The following AKR1E2 variants were observed in gnomAD, a reference collection of about 807,000 sequenced individuals.
AKR1E2 encodes 1,5-anhydro-D-fructose reductase.
AKR1E2 carries 43 observed loss-of-function variants against 41.9 expected under a neutral mutation model. The observed-to-expected ratio is 1.03, with a 90% CI of 0.80 to 1.32. AKR1E2 has a LOEUF of 1.32. Ranked by LOEUF, AKR1E2 falls within the 40% of genes most tolerant of loss-of-function variation. The probability of loss-of-function intolerance (pLI) is 0.00; values close to 1 mark genes in which losing one functional copy is unlikely to be tolerated. For missense variants in AKR1E2, 423 were observed against 396.5 expected (o/e 1.07, Z -0.57); for synonymous variants, 121 against 138.9 (o/e 0.87, Z 0.91).
chr10:4,830,302 C>A (rs992107303), intron 1 of AKR1E2, among the ~76,000 whole-genome samples: 3 of 152,126 alleles, frequency 2.0e-5, no homozygotes, highest in Non-Finnish European at 2.9e-5. Flanking sequence ...ACACCTCAGC[C>A]TTTATTATTG....
rs1307813210 is a variant in AKR1E2, at chr10:4,847,967, A to G, written c.*437A>G. The stretch of plus-strand genomic sequence containing the variant: ...TGCCAGTGACCCCCAGGTTATTCTA[A>G]AGCAGAGTCCTTCCCTTCCCCCAGT... On this transcript the variant is annotated 3_prime_UTR_variant, in exon 10 of 10. Transcript: ENST00000298375. The G allele has an allele frequency of 6.1e-6, 1 of 162,962 alleles. No individual in the cohort carries two copies. The highest frequency in any genetic ancestry group is 2.4e-5 in the African/African-American group (1 of 41,800). 10.1% of individuals were successfully genotyped at this position (162,962 alleles called of 1,614,324 possible).
At chr10:4,841,918 G>A (rs1482000854) in intron 7 of AKR1E2, 61 bp downstream of exon 7, 3 of 1,496,814 alleles carry the variant, frequency 2.0e-6, no homozygotes, top group Non-Finnish European at 2.7e-6. Flanking sequence ...CATCCTTGGG[G>A]AGTCCTGGGG....
intron 1 of AKR1E2, among the ~76,000 whole-genome samples, chr10:4,827,583 A>G (rs1047979411): frequency 3.9e-5 from 6 of 151,942 alleles, no homozygotes; most frequent in African/African-American, 1.4e-4. Flanking sequence ...ACTGACTAAA[A>G]AGCGTTTAAA....
At position 4,847,467 on chromosome 10, in the gene AKR1E2, ATTTG is replaced by A; in HGVS notation, c.921-17_921-14del. ...TAATCATTCTTTGTTCCTATTTTTG[ATTTG>A]TTTTTCTGTTTTTCAGAACTAAAAA... On this transcript the variant is annotated splice_polypyrimidine_tract_variant and intron_variant, in intron 9 of 9. Coordinates refer to ENST00000298375, the MANE Select transcript of AKR1E2 (RefSeq NM_001040177.3). 6.2e-7 allele frequency: 1 copy of A among 1,609,304 alleles called. No homozygotes were observed.
chr10:4,831,108 A>G (rs755498375), intron 2 of AKR1E2, among the ~76,000 whole-genome samples: 1 of 152,236 alleles, frequency 6.6e-6, no homozygotes, highest in Non-Finnish European at 1.5e-5. Context: ...CACTTTGACT[A>G]CAGTGGTGAA....
intron 5 of AKR1E2, 42 bp downstream of exon 5, chr10:4,837,623 G>T: frequency 6.3e-7 from 1 of 1,589,448 alleles, no homozygotes; most frequent in Non-Finnish European, 8.6e-7. Context: ...CTGTGTGGCT[G>T]GTCCCCCAGC....
Position 4,841,777 on chromosome 10 carries a change from C to G in AKR1E2, c.681-8C>G. On this transcript the variant is annotated splice_polypyrimidine_tract_variant and splice_region_variant and intron_variant, in intron 6 of 9. Coordinates refer to ENST00000298375, the MANE Select transcript of AKR1E2 (RefSeq NM_001040177.3). ...CCTGGCTCACTCCCCTGTACTGTGT[C>G]TCTCTAGTGAGGGGGTTGACCTGAT... The G allele has an allele frequency of 6.2e-7, 1 of 1,608,698 alleles. No individual in the cohort carries two copies. Among genetic ancestry groups the G allele is most frequent in the Non-Finnish European group, 8.5e-7 (1 of 1,177,156 alleles).
intron 8 of AKR1E2, chr10:4,846,306 C>T (rs928663508): frequency 8.4e-5 from 15 of 179,340 alleles, no homozygotes; most frequent in African/African-American, 2.8e-4. Flanking sequence ...GATGCTGATG[C>T]TGTGGCCATG....
At position 4,842,447 on chromosome 10, in the gene AKR1E2, G is replaced by A. The variant is rs748657385; in HGVS notation, c.780G>A (p.Arg260=). Residue 260 remains arginine, a synonymous_variant, in exon 8 of 10, where the codon AGG becomes AGA. Coordinates refer to ENST00000298375, the MANE Select transcript of AKR1E2 (RefSeq NM_001040177.3). ...TTTTGATCCGATTTCAAATCCAGAG[G>A]AATGTGATAGTGATCCCCGGATCTA... ...AQILIRFQIQ[R]NVIVIPGSIT... 2 of 1,614,152 alleles carry A rather than the reference G, an allele frequency of 1.2e-6. No individual in the cohort carries two copies. The highest frequency in any genetic ancestry group is 1.7e-5 in the Admixed American group (1 of 60,022).
At position 4,830,675 on chromosome 10, in the gene AKR1E2, G is replaced by C; in HGVS notation, c.40G>C (p.Ala14Pro). The change falls in exon 2 of 10, where the codon GCT becomes CCT. Residue 14 changes from alanine to proline, a missense_variant and splice_region_variant. Transcript: ENST00000298375. Reference protein sequence around the residue: ...IPAVGLSSWKASPGKVTEAVK... With the variant: ...IPAVGLSSWKPSPGKVTEAVK... ...ACACTTTGTTTTGTTGGTTTTGCAG[G>C]CTTCTCCAGGGAAAGTGACCGAGGC... is the stretch of plus-strand genomic sequence containing the variant. The C allele has an allele frequency of 6.2e-7, 1 of 1,613,818 alleles. No individual in the cohort carries two copies. The highest frequency in any genetic ancestry group is 8.5e-7 in the Non-Finnish European group (1 of 1,179,794).
intron 2 of AKR1E2, 70 bp from the exon 3 acceptor site, chr10:4,833,279 TG>T: frequency 8.1e-7 from 1 of 1,229,810 alleles, no homozygotes; most frequent in Non-Finnish European, 1.2e-6. Flanking sequence ...AGTAGCTTTG[TG>T]GGGCTACAGA....
the AKR1E2 span, among the ~76,000 whole-genome samples, chr10:4,861,607 G>A: frequency 6.6e-6 from 1 of 152,066 alleles, no homozygotes; most frequent in Non-Finnish European, 1.5e-5. Context: ...GACCTCAAGT[G>A]ATCCTCCCGC....
At chr10:4,867,015 T>C in the AKR1E2 span, among the ~76,000 whole-genome samples, 3 of 152,156 alleles carry the variant, frequency 2.0e-5, no homozygotes, top group African/African-American at 4.8e-5. Context: ...ATTTCTAATC[T>C]TGTGGCTAAT....
chr10:4,852,156 G>C (rs77898579), downstream of AKR1E2, among the ~76,000 whole-genome samples: 3,607 of 152,276 alleles, frequency 0.024, 59 homozygotes, highest in East Asian at 0.074. Flanking sequence ...AACAATTACT[G>C]TGAGACTGGA....
At chr10:4,863,880 C>T in the AKR1E2 span, among the ~76,000 whole-genome samples, 13 of 152,064 alleles carry the variant, frequency 8.5e-5, no homozygotes, top group African/African-American at 2.2e-4. Context: ...ATAAATTCCT[C>T]GACACATAAA....
At chr10:4,831,491 A>G (rs1459164909) in intron 2 of AKR1E2, among the ~76,000 whole-genome samples, 1 of 152,226 alleles carries the variant, frequency 6.6e-6, no homozygotes, top group African/African-American at 2.4e-5. Flanking sequence ...AGACAAGAGA[A>G]AGTGTACAGG....
the AKR1E2 span, among the ~76,000 whole-genome samples, chr10:4,870,949 C>T: frequency 5.9e-5 from 9 of 152,244 alleles, no homozygotes; most frequent in East Asian, 7.7e-4. Flanking sequence ...TATAGTTCTA[C>T]AAGTCCTTGA....
At chr10:4,832,027 G>C (rs888417696) in intron 2 of AKR1E2, among the ~76,000 whole-genome samples, 1 of 152,180 alleles carries the variant, frequency 6.6e-6, no homozygotes, top group African/African-American at 2.4e-5. Context: ...TGGATGTGGA[G>C]GGTATTGGGA....
In AKR1E2 at chr10:4,841,669, C is replaced by A. The variant is rs1277085386; in HGVS notation, c.681-116C>A. 1.2e-5 allele frequency: 9 copies of A among 735,428 alleles called. No homozygotes were observed. The South Asian group carries it at 1.8e-4, about 14-fold the overall frequency. The allele number at this position is 735,428 out of a possible 1,614,324, so 45.6% of individuals were successfully genotyped here. ...GCATTTTAAAATTTCCTGTAGTCGGCATGTGTCATGATCAGAAAATAAATC... is the reference window on the plus strand; with the variant it reads ...GCATTTTAAAATTTCCTGTAGTCGGAATGTGTCATGATCAGAAAATAAATC... On this transcript the variant is annotated intron_variant, in intron 6 of 9. Coordinates refer to ENST00000298375, the MANE Select transcript of AKR1E2 (RefSeq NM_001040177.3).
Sources: gnomAD v4.1 joint callset for allele counts (sites outside exome capture counted in the v4.1 genomes callset) on GRCh38, gnomAD v4.1.1 for gene constraint, MANE v1.5 for transcripts, NCBI Gene and HGNC (gene_info 2026-07-23, HGNC 2026-07-21) for gene names.